Variants in BLMH observed in about 807,000 individuals in gnomAD.
BLMH encodes the protein BLM hydrolase.
A neutral mutation model predicts 61.6 loss-of-function variants in BLMH; 32 were observed. That is an observed-to-expected ratio of 0.52 (90% CI 0.39 to 0.70). BLMH has a LOEUF of 0.70. BLMH is among the 30% of genes least tolerant of loss of function. The probability of loss-of-function intolerance (pLI) is 0.00; values close to 1 mark genes in which losing one functional copy is unlikely to be tolerated. For missense variants in BLMH, 460 were observed against 555.5 expected, an observed-to-expected ratio of 0.83 and a Z score of 1.73; for synonymous variants, 183 against 193.8, an observed-to-expected ratio of 0.94 and a Z score of 0.46.
intron 6 of BLMH, among the ~76,000 whole-genome samples, chr17:30,274,560 A>T (rs918945263): frequency 1.2e-4 from 18 of 152,216 alleles, no homozygotes; most frequent in Non-Finnish European, 2.9e-5. Context: ...AAAAATGACA[A>T]ATTTTATAAA....
In BLMH at chr17:30,287,960, G is replaced by C; in HGVS notation, c.322-13C>G. On this transcript the variant is annotated splice_polypyrimidine_tract_variant and intron_variant, in intron 3 of 11. Transcript: ENST00000261714. ...AACAGCGTTCAACCTAAAGAGTAAAGAAAGTTAAATAACATTAAAAGAAAA... is the reference window on the plus strand; with the variant it reads ...AACAGCGTTCAACCTAAAGAGTAAACAAAGTTAAATAACATTAAAAGAAAA... 1 of 1,601,904 alleles carries C rather than the reference G, an allele frequency of 6.2e-7. No homozygotes were observed. Among genetic ancestry groups the C allele is most frequent in the Non-Finnish European group, 8.5e-7 (1 of 1,174,918 alleles).
In BLMH at chr17:30,274,113, T is replaced by C. The variant is rs370227006; in HGVS notation, c.730A>G (p.Lys244Glu). The C allele has an allele frequency of 1.2e-6, 2 of 1,614,192 alleles. No homozygotes were observed. Among genetic ancestry groups the C allele is most frequent in the Non-Finnish European group, 1.7e-6 (2 of 1,180,012 alleles). Reference protein sequence around the residue: ...EYRDKDKNYQKIGPITPLEFY... With the variant: ...EYRDKDKNYQEIGPITPLEFY... ...TCCAAGGGTGTTATGGGGCCAATTT[T>C]CTGATAATTTTTATCTTTGTCTCGA... is the stretch of plus-strand genomic sequence containing the variant. The change falls in exon 7 of 12, where the codon AAA becomes GAA. Residue 244 changes from lysine to glutamate, a missense_variant. Coordinates refer to ENST00000261714, the MANE Select transcript of BLMH (RefSeq NM_000386.4).
rs780698812 is a variant in BLMH at position 30,287,962 on chromosome 17, A to G, written c.322-15T>C. The stretch of plus-strand genomic sequence containing the variant: ...CAGCGTTCAACCTAAAGAGTAAAGA[A>G]AGTTAAATAACATTAAAAGAAAAAA... On this transcript the variant is annotated splice_polypyrimidine_tract_variant and intron_variant, in intron 3 of 11. Coordinates refer to ENST00000261714, the MANE Select transcript of BLMH (RefSeq NM_000386.4). 6.3e-6 allele frequency: 10 copies of G among 1,599,976 alleles called. No individual in the cohort carries two copies. Among genetic ancestry groups the G allele is most frequent in the Admixed American group, 3.5e-5 (2 of 57,210 alleles).
In BLMH at chr17:30,252,507, G is replaced by A. The variant is rs148286440; in HGVS notation, c.1217-3339C>T. Among the ~76,000 whole-genome samples the A allele has an allele frequency of 3.9e-3, 551 of 140,886 alleles. 4 individuals are homozygous for A. Among genetic ancestry groups the A allele is most frequent in the African/African-American group, 0.014 (528 of 37,524 alleles). 92.4% of individuals were successfully genotyped at this position (140,886 alleles called of 152,430 possible). On this transcript the variant is annotated intron_variant, in intron 11 of 11. Coordinates refer to ENST00000261714, the MANE Select transcript of BLMH (RefSeq NM_000386.4). ...AGCCCAGTTGTTCAAGACCAGCCTG[G>A]GCAACATGGCGAAACCCCATCCTCA...
chr17:30,286,992 T>C (rs1908751326), intron 4 of BLMH, 90 bp from the exon 5 acceptor site: 3 of 817,746 alleles, frequency 3.7e-6, no homozygotes, highest in Non-Finnish European at 4.0e-6. Context: ...AGGCGATATT[T>C]TGCTGGCTTA....
intron 11 of BLMH, among the ~76,000 whole-genome samples, chr17:30,259,158 G>A (rs187536314): frequency 3.0e-4 from 46 of 152,282 alleles, no homozygotes; most frequent in East Asian, 2.9e-3. Flanking sequence ...TCTTACAATA[G>A]GTTACAAACA....
intron 6 of BLMH, among the ~76,000 whole-genome samples, chr17:30,277,623 G>A (rs1315491699): frequency 6.6e-6 from 1 of 152,156 alleles, no homozygotes; most frequent in Non-Finnish European, 1.5e-5. Context: ...GCAATGCCAG[G>A]CCCAACTAAG....
intron 11 of BLMH, among the ~76,000 whole-genome samples, chr17:30,256,723 G>GAAAA (rs577745264): frequency 2.6e-5 from 3 of 116,870 alleles, no homozygotes; most frequent in Non-Finnish European, 3.7e-5. Flanking sequence ...CTATTATAAT[G>GAAAA]AAAAAAAAAA....
In BLMH at chr17:30,267,784, T is replaced by G. The variant is rs1908151777; in HGVS notation, c.1147-830A>C. ...TTTCATGTTTACCCAGGACATTTAC[T>G]GATGTCAAGGCAACTTAAATCTTTG... On this transcript the variant is annotated intron_variant, in intron 10 of 11. Transcript: ENST00000261714. Among the ~76,000 whole-genome samples, 3 of 152,236 alleles carry G rather than the reference T, an allele frequency of 2.0e-5. No individual in the cohort carries two copies. The South Asian group carries it at 6.2e-4, about 31-fold the overall frequency.
At chr17:30,289,524 T>G in intron 2 of BLMH, 42 bp from the exon 3 acceptor site, 1 of 1,363,016 alleles carries the variant, frequency 7.3e-7, no homozygotes. Flanking sequence ...AGGGTTCACA[T>G]AGACTGCACT....
chr17:30,253,526 T>C (rs1020762263), intron 11 of BLMH, among the ~76,000 whole-genome samples: 3 of 152,172 alleles, frequency 2.0e-5, no homozygotes, highest in Non-Finnish European at 4.4e-5. Flanking sequence ...GGAGTTTGAC[T>C]GAGAAGATTA....
intron 10 of BLMH, among the ~76,000 whole-genome samples, chr17:30,268,671 T>C (rs920789948): frequency 6.6e-5 from 10 of 151,772 alleles, no homozygotes; most frequent in African/African-American, 2.4e-4. Flanking sequence ...ATAGAAATGA[T>C]AAAAAGCTGA....
chr17:30,257,459 A>T (rs1335942310), intron 11 of BLMH, among the ~76,000 whole-genome samples: 1 of 152,240 alleles, frequency 6.6e-6, no homozygotes, highest in Non-Finnish European at 1.5e-5. Context: ...TAAAAAAAAT[A>T]AGGAAAGGCA....
intron 6 of BLMH, among the ~76,000 whole-genome samples, chr17:30,276,770 A>C (rs2143023572): frequency 6.6e-6 from 1 of 152,348 alleles, no homozygotes; most frequent in South Asian, 2.1e-4. Flanking sequence ...TTTTTTAAAA[A>C]CATACATATA....
chr17:30,291,288 A>G (rs746805142), intron 2 of BLMH, 23 bp downstream of exon 2: 20 of 1,601,420 alleles, frequency 1.2e-5, no homozygotes, highest in Non-Finnish European at 1.7e-5. Context: ...CAAGGAACGT[A>G]TGGGAGAAGT....
rs1044282010 is a variant in BLMH, at chr17:30,255,460, T to A, written c.1217-6292A>T. 3.9e-5 allele frequency among the ~76,000 whole-genome samples: 6 copies of A among 152,250 alleles called. No homozygotes were observed. In the South Asian group the frequency reaches 1.2e-3, roughly 31 times the overall value. ...TAATAAATAAATGTATTAAATTTCC[T>A]TATATCCTAATCAATATCTGGTATA... On this transcript the variant is annotated intron_variant, in intron 11 of 11. Transcript: ENST00000261714.
intron 6 of BLMH, among the ~76,000 whole-genome samples, chr17:30,274,709 C>A: frequency 6.6e-6 from 1 of 152,112 alleles, no homozygotes; most frequent in Non-Finnish European, 1.5e-5. Context: ...GGGCCAGGTG[C>A]AGTGGTTCAT....
At chr17:30,288,027 T>A (rs1908778115) in intron 3 of BLMH, 80 bp from the exon 4 acceptor site, 2 of 1,365,046 alleles carry the variant, frequency 1.5e-6, no homozygotes, top group Non-Finnish European at 2.0e-6. Flanking sequence ...AGAATGGGAG[T>A]CTTGGAATTA....
chr17:30,274,345 A>G, intron 6 of BLMH, 148 bp from the exon 7 acceptor site: 1 of 891,594 alleles, frequency 1.1e-6, no homozygotes, highest in South Asian at 1.8e-5. Flanking sequence ...TACTGCGTCA[A>G]AAACTGGAAA....
Sources: gnomAD v4.1 joint callset for allele counts (sites outside exome capture counted in the v4.1 genomes callset) on GRCh38, gnomAD v4.1.1 for gene constraint, MANE v1.5 for transcripts, NCBI Gene and HGNC (gene_info 2026-07-23, HGNC 2026-07-21) for gene names.